The following ZC3H4 variants were observed in gnomAD, a reference collection of about 807,000 sequenced individuals.
ZC3H4 encodes zinc finger CCCH domain-containing protein 4.
ZC3H4 carries 13 observed loss-of-function variants against 108.3 expected under a neutral mutation model. That is an observed-to-expected ratio of 0.12 (90% CI 0.08 to 0.19). ZC3H4 has a LOEUF of 0.19. Ranked by LOEUF, ZC3H4 falls within the 10% of genes least tolerant of loss-of-function variation. The pLI is 1.00. For synonymous variants in ZC3H4, 917 were observed against 749.6 expected (o/e 1.22, Z -3.65); for missense variants, 1,734 against 1,838.8 (o/e 0.94, Z 1.04).
chr19:47,081,405 C>T, intron 11 of ZC3H4, 108 bp downstream of exon 11: 4 of 851,090 alleles, frequency 4.7e-6, no homozygotes, highest in Non-Finnish European at 7.8e-6. Flanking sequence ...TCCAGATCAA[C>T]CAAACTGGGC....
chr19:47,113,143 G>C (rs924391025), intron 1 of ZC3H4: 6 of 152,694 alleles, frequency 3.9e-5, no homozygotes, highest in African/African-American at 1.4e-4. Context: ...CCAGCCTAGA[G>C]GCTGAGGCGG....
chr19:47,101,960 T>C (rs1191984757), intron 2 of ZC3H4, among the ~76,000 whole-genome samples: 1 of 151,482 alleles, frequency 6.6e-6, no homozygotes, highest in Non-Finnish European at 1.5e-5. Context: ...CTTGAACCCA[T>C]GAGGTGGAGG....
At chr19:47,103,432 T>C (rs190135973) in intron 2 of ZC3H4, among the ~76,000 whole-genome samples, 1 of 152,164 alleles carries the variant, frequency 6.6e-6, no homozygotes, top group Non-Finnish European at 1.5e-5. Context: ...GCCTCCCAAG[T>C]AGATGGGACT....
At chr19:47,069,417 A>C in intron 13 of ZC3H4, 74 bp from the exon 14 acceptor site, 1 of 1,531,490 alleles carries the variant, frequency 6.5e-7, no homozygotes, top group Non-Finnish European at 8.8e-7. Context: ...CCTGCCCCTC[A>C]CTGCAAACCC....
At chr19:47,097,176 A>G (rs1004409645) in intron 2 of ZC3H4, among the ~76,000 whole-genome samples, 3 of 152,246 alleles carry the variant, frequency 2.0e-5, no homozygotes, top group African/African-American at 7.2e-5. Flanking sequence ...GGGATTCTGC[A>G]CATTATCGAT....
intron 2 of ZC3H4, among the ~76,000 whole-genome samples, chr19:47,102,205 A>G (rs2057912703): frequency 6.6e-6 from 1 of 152,214 alleles, no homozygotes; most frequent in African/African-American, 2.4e-5. Context: ...AGAGACAAGA[A>G]GGAATTTGCC....
chr19:47,067,991 T>C lies in ZC3H4; in HGVS notation c.2399-122A>G, dbSNP rs1174290151. ...TTGTGCCTCTCAGAACCTCAGGTCC[T>C]CCTCTCTAAGGCTCCCTCCCCACAG... On this transcript the variant is annotated intron_variant, in intron 14 of 14. Transcript: ENST00000253048. This position sits in a 1 kb window ranked among gnomAD's most constrained non-coding sequence, Gnocchi z 6.4. 1.2e-5 allele frequency: 12 copies of C among 987,720 alleles called. No individual in the cohort carries two copies. Among genetic ancestry groups the C allele is most frequent in the Non-Finnish European group, 1.5e-5 (10 of 668,134 alleles). 61.2% of individuals were successfully genotyped at this position (987,720 alleles called of 1,614,324 possible).
intron 11 of ZC3H4, among the ~76,000 whole-genome samples, chr19:47,076,278 C>T (rs2057415853): frequency 1.3e-5 from 2 of 152,184 alleles, no homozygotes; most frequent in Non-Finnish European, 2.9e-5. Flanking sequence ...AGGCTTCATG[C>T]CAAGTGCAAG....
At chr19:47,102,991 G>A (rs2057923207) in intron 2 of ZC3H4, among the ~76,000 whole-genome samples, 1 of 152,138 alleles carries the variant, frequency 6.6e-6, no homozygotes. Flanking sequence ...CTGCTAAAAG[G>A]AAGCTTGTGG....
chr19:47,088,950 G>A (rs1447424654), intron 5 of ZC3H4, among the ~76,000 whole-genome samples: 1 of 152,090 alleles, frequency 6.6e-6, no homozygotes, highest in Non-Finnish European at 1.5e-5. Flanking sequence ...GCTCACGCCT[G>A]TAATCCCAGC....
In ZC3H4 at chr19:47,066,104, A is replaced by G; in HGVS notation, c.*252T>C. On this transcript the variant is annotated 3_prime_UTR_variant, in exon 15 of 15. Coordinates refer to ENST00000253048, the MANE Select transcript of ZC3H4 (RefSeq NM_015168.2). ...GGCGAAAGTTCACAGGTTTGCGGGC[A>G]TGAGTCGGTTTGCTCAGCAGGAGCC... is the stretch of plus-strand genomic sequence containing the variant. 5.6e-6 allele frequency: 2 copies of G among 354,066 alleles called. No individual in the cohort carries two copies. The highest frequency in any genetic ancestry group is 1.0e-5 in the Non-Finnish European group (2 of 196,846). The allele number at this position is 354,066 out of a possible 1,614,324, so 21.9% of individuals were successfully genotyped here.
intron 11 of ZC3H4, among the ~76,000 whole-genome samples, chr19:47,073,865 T>C (rs1319648726): frequency 6.6e-6 from 1 of 152,246 alleles, no homozygotes; most frequent in Non-Finnish European, 1.5e-5. Flanking sequence ...GCTACATCTA[T>C]CAGTATGTCA....
intron 13 of ZC3H4, among the ~76,000 whole-genome samples, chr19:47,071,509 C>T (rs756028282): frequency 1.3e-5 from 2 of 152,190 alleles, no homozygotes; most frequent in Admixed American, 6.5e-5. Flanking sequence ...CTTGCACACT[C>T]GTCCCTCTAA....
intron 2 of ZC3H4, among the ~76,000 whole-genome samples, chr19:47,111,876 C>A (rs966465471): frequency 6.6e-6 from 1 of 152,264 alleles, no homozygotes; most frequent in African/African-American, 2.4e-5. Context: ...GGGTGTGCCT[C>A]CCCCAGGAGA....
chr19:47,104,495 T>G (rs78847946), intron 2 of ZC3H4, among the ~76,000 whole-genome samples: 1 of 152,184 alleles, frequency 6.6e-6, no homozygotes, highest in East Asian at 1.9e-4. Flanking sequence ...ATATTCTATA[T>G]GAAGTATCAA....
At position 47,066,851 on chromosome 19, in the gene ZC3H4, C is replaced by A; in HGVS notation, c.3417G>T (p.Gln1139His). 1 of 1,599,092 alleles carries A rather than the reference C, an allele frequency of 6.3e-7. No homozygotes were observed. Among genetic ancestry groups the A allele is most frequent in the Non-Finnish European group, 8.5e-7 (1 of 1,179,262 alleles). The change falls in exon 15 of 15, where the codon CAG (glutamine) becomes CAT (histidine). Residue 1139 changes from glutamine to histidine, a missense_variant. Physicochemically the swap from Gln to His is conservative, Grantham distance 24. This residue lies in a region of ZC3H4 where 518 missense variants were observed against 499.6 expected (regional missense o/e 1.04). Coordinates refer to ENST00000253048, the MANE Select transcript of ZC3H4 (RefSeq NM_015168.2). ...GGCTGATACCGCTCAGCACACTGCT[C>A]TGCCCGCCCCCTCCGCCCTGGCCCA... ...GGLGQGGGGG[Q>H]SSVLSGISLY...
rs1484668546 is a variant in ZC3H4, at chr19:47,064,560, C to G, written c.*1796G>C. 3 of 152,312 alleles carry G rather than the reference C, an allele frequency of 2.0e-5. No homozygotes were observed. Among genetic ancestry groups the G allele is most frequent in the South Asian group, 2.1e-4 (1 of 4,834 alleles). The allele number at this position is 152,312 out of a possible 1,614,324, so 9.4% of individuals were successfully genotyped here. The stretch of plus-strand genomic sequence containing the variant: ...AGATTTCGGTTTAAAAAATATTTTT[C>G]TTTTACAAAAGAAAATTCTCAAAAG... On this transcript the variant is annotated 3_prime_UTR_variant, in exon 15 of 15. Coordinates refer to ENST00000253048, the MANE Select transcript of ZC3H4 (RefSeq NM_015168.2).
intron 11 of ZC3H4, among the ~76,000 whole-genome samples, chr19:47,077,475 A>G (rs545981964): frequency 6.6e-6 from 1 of 152,122 alleles, no homozygotes; most frequent in East Asian, 1.9e-4. Flanking sequence ...TCTTAAAAAA[A>G]AAAAAAAACT....
chr19:47,072,079 C>A lies in ZC3H4; in HGVS notation c.1845G>T (p.Gly615=). ...TTGGCCCTGGGGGTCCCATGTTGGGCCCAGGGCCCATTGGCCCTGGGGGTC... is the reference window on the plus strand; with the variant it reads ...TTGGCCCTGGGGGTCCCATGTTGGGACCAGGGCCCATTGGCCCTGGGGGTC... ...PGGPPGPMGP[G]PNMGPPGPMG... is the part of the protein sequence containing the mutation. The change falls in exon 13 of 15, where the codon GGG becomes GGT. Residue 615 remains glycine, a synonymous_variant. Coordinates refer to ENST00000253048, the MANE Select transcript of ZC3H4 (RefSeq NM_015168.2). This position sits in a 1 kb window ranked among gnomAD's most constrained non-coding sequence, Gnocchi z 5.6. 1 of 1,566,210 alleles carries A rather than the reference C, an allele frequency of 6.4e-7. No individual in the cohort carries two copies. The highest frequency in any genetic ancestry group is 2.3e-5 in the East Asian group (1 of 43,032).
Sources: gnomAD v4.1 joint callset for allele counts (sites outside exome capture counted in the v4.1 genomes callset) on GRCh38, gnomAD v4.1.1 for gene constraint, gnomAD v4.1.1 regional missense constraint, Gnocchi (gnomAD v3.1) non-coding constraint, MANE v1.5 for transcripts, NCBI Gene and HGNC (gene_info 2026-07-23, HGNC 2026-07-21) for gene names.